Variants in GPC6 observed in about 807,000 individuals in gnomAD.
GPC6 encodes glypican 6, also known as glypican-6.
GPC6 carries 14 observed loss-of-function variants against 55.2 expected under a neutral mutation model. That is an observed-to-expected ratio of 0.25 (90% CI 0.17 to 0.40). The LOEUF is 0.40. Among genes scored for constraint, GPC6 ranks in the 10% least tolerant of loss-of-function variants. The pLI, the probability that GPC6 is intolerant of heterozygous loss-of-function variation, is 1.00. For synonymous variants in GPC6, 278 were observed against 259.6 expected (o/e 1.07, Z -0.68); for missense variants, 641 against 708.5 (o/e 0.90, Z 1.08).
intron 2 of GPC6, among the ~76,000 whole-genome samples, chr13:93,615,520 C>T (rs1243555495): frequency 2.0e-5 from 3 of 152,118 alleles, no homozygotes; most frequent in South Asian, 4.1e-4. Flanking sequence ...CCTACCTATT[C>T]AGTTGTTAAT....
intron 1 of GPC6, among the ~76,000 whole-genome samples, chr13:93,336,703 AG>A (rs1473829237): frequency 2.0e-5 from 3 of 152,184 alleles, no homozygotes; most frequent in Admixed American, 6.5e-5. Flanking sequence ...GAGGGTTACT[AG>A]GTAGACTGTG....
At chr13:93,835,104 T>A (rs1887682778) in intron 3 of GPC6, among the ~76,000 whole-genome samples, 1 of 152,180 alleles carries the variant, frequency 6.6e-6, no homozygotes, top group Non-Finnish European at 1.5e-5. Context: ...TGGAAATGAC[T>A]ATAGTGTCTT....
chr13:93,932,479 T>C (rs1295322997), intron 3 of GPC6, among the ~76,000 whole-genome samples: 1 of 152,236 alleles, frequency 6.6e-6, no homozygotes, highest in Admixed American at 6.5e-5. Flanking sequence ...CATTACTTTT[T>C]TACAAGTATT....
intron 4 of GPC6, among the ~76,000 whole-genome samples, chr13:94,239,835 A>G (rs1348300559): frequency 2.6e-5 from 4 of 152,030 alleles, no homozygotes; most frequent in Non-Finnish European, 5.9e-5. Context: ...CTCTCAATCC[A>G]CTCAGCTTCC....
chr13:93,690,606 G>A (rs991746532), intron 2 of GPC6, among the ~76,000 whole-genome samples: 2 of 151,760 alleles, frequency 1.3e-5, no homozygotes, highest in South Asian at 2.1e-4. Flanking sequence ...CTAAGACTGC[G>A]TTACTTTCTA....
At chr13:93,808,110 TG>T (rs1187799875) in intron 2 of GPC6, among the ~76,000 whole-genome samples, 1 of 152,218 alleles carries the variant, frequency 6.6e-6, no homozygotes, top group African/African-American at 2.4e-5. Context: ...AATAATTTCT[TG>T]GTTATAAAAC....
chr13:93,943,476 A>G (rs1385683424), intron 3 of GPC6, among the ~76,000 whole-genome samples: 2 of 152,108 alleles, frequency 1.3e-5, no homozygotes, highest in Non-Finnish European at 2.9e-5. Context: ...TTGCATCCCA[A>G]TTCTGGAGTC....
At chr13:94,013,136 G>T (rs1882312419) in intron 3 of GPC6, among the ~76,000 whole-genome samples, 4 of 152,100 alleles carry the variant, frequency 2.6e-5, no homozygotes, top group African/African-American at 9.6e-5. Context: ...AAAGCTGTCT[G>T]AAATATGTAT....
At chr13:93,949,275 A>G (rs1377313609) in intron 3 of GPC6, among the ~76,000 whole-genome samples, 2 of 152,242 alleles carry the variant, frequency 1.3e-5, no homozygotes, top group Non-Finnish European at 2.9e-5. Flanking sequence ...GAAGCAATTT[A>G]TGACTATCCA....
intron 4 of GPC6, among the ~76,000 whole-genome samples, chr13:94,036,263 G>A (rs1323229564): frequency 1.3e-5 from 2 of 151,992 alleles, no homozygotes; most frequent in African/African-American, 4.8e-5. Context: ...CATGAAATAT[G>A]CCTTGTCCTT....
chr13:94,158,586 A>G (rs1454642750), intron 4 of GPC6, among the ~76,000 whole-genome samples: 2 of 152,314 alleles, frequency 1.3e-5, no homozygotes, highest in East Asian at 1.9e-4. Context: ...ATGAGTAACA[A>G]GGGAAAAGAG....
chr13:93,784,378 TC>T (rs2138912297), intron 2 of GPC6, among the ~76,000 whole-genome samples: 1 of 152,248 alleles, frequency 6.6e-6, no homozygotes, highest in South Asian at 2.1e-4. Context: ...TCCAAACAAT[TC>T]TACAGTACTA....
chr13:93,883,435 A>C (rs912683940), intron 3 of GPC6, among the ~76,000 whole-genome samples: 5 of 152,168 alleles, frequency 3.3e-5, no homozygotes, highest in African/African-American at 1.2e-4. Flanking sequence ...ATCCATGCCA[A>C]CATCTATTTT....
intron 4 of GPC6, among the ~76,000 whole-genome samples, chr13:94,122,717 A>G (rs73546037): frequency 9.5e-4 from 144 of 152,212 alleles, no homozygotes; most frequent in African/African-American, 3.3e-3. Flanking sequence ...GAAGAGAGCT[A>G]TTTCCATATT....
chr13:94,115,454 A>G (rs1290040233), intron 4 of GPC6, among the ~76,000 whole-genome samples: 1 of 152,070 alleles, frequency 6.6e-6, no homozygotes, highest in Non-Finnish European at 1.5e-5. Context: ...AAACAAAGGG[A>G]CTGCTTTTTC....
Position 94,223,159 on chromosome 13 carries a change from T to C in GPC6, c.878-63190T>C, listed in dbSNP as rs531073407. Among the ~76,000 whole-genome samples, 230 of 152,234 alleles carry C rather than the reference T, an allele frequency of 1.5e-3. 1 individual carries two copies. In the Middle Eastern group the frequency reaches 0.017, roughly 11 times the overall value. On this transcript the variant is annotated intron_variant, in intron 4 of 8. Coordinates refer to ENST00000377047, the MANE Select transcript of GPC6 (RefSeq NM_005708.5). ...GTTTTTAACATGAAAAAAGAAGAAG[T>C]GTATATGTTTGTGTCCATGAATACC...
rs560697619 is a variant in GPC6 at position 93,372,680 on chromosome 13, G to A, written c.160+145064G>A. 1.1e-3 allele frequency among the ~76,000 whole-genome samples: 161 copies of A among 152,200 alleles called. 1 individual carries two copies. Among genetic ancestry groups the A allele is most frequent in the African/African-American group, 3.7e-3 (154 of 41,528 alleles). On this transcript the variant is annotated intron_variant, in intron 1 of 8. Coordinates refer to ENST00000377047, the MANE Select transcript of GPC6 (RefSeq NM_005708.5). ...CTCCCCCGTTCACTTTTTAAAATAT[G>A]AATTCAACCTTTATCCTACAAGGCA...
At chr13:94,219,400 C>T (rs1342517188) in intron 4 of GPC6, among the ~76,000 whole-genome samples, 1 of 152,170 alleles carries the variant, frequency 6.6e-6, no homozygotes, top group Non-Finnish European at 1.5e-5. Flanking sequence ...GCCTCTGTAC[C>T]AGACACTAGG....
intron 3 of GPC6, among the ~76,000 whole-genome samples, chr13:94,001,892 T>C (rs9284277): frequency 0.99 from 151,320 of 152,278 alleles, 75,189 homozygotes; most frequent in Middle Eastern, 1. Context: ...TGAACCAAAA[T>C]GCTGGAGAGG....
Sources: gnomAD v4.1 joint callset for allele counts (sites outside exome capture counted in the v4.1 genomes callset) on GRCh38, gnomAD v4.1.1 for gene constraint, MANE v1.5 for transcripts, NCBI Gene and HGNC (gene_info 2026-07-23, HGNC 2026-07-21) for gene names.